Variants in CNOT10 observed in about 807,000 individuals in gnomAD.
CNOT10 encodes the protein CCR4-NOT transcription complex, subunit 10.
In CNOT10, 30 loss-of-function variants were observed where a neutral mutation model predicts 94.6. That is an observed-to-expected ratio of 0.32 (90% CI 0.24 to 0.43). The LOEUF is 0.43. Among genes scored for constraint, CNOT10 ranks in the 20% least tolerant of loss-of-function variants. CNOT10 has a pLI of 1.00. For missense variants in CNOT10, 759 were observed against 877.2 expected (o/e 0.87, Z 1.70); for synonymous variants, 289 against 301.6 (o/e 0.96, Z 0.43).
chr3:32,703,641 C>T (rs1271389516), intron 1 of CNOT10: 27 of 370,940 alleles, frequency 7.3e-5, no homozygotes, highest in Non-Finnish European at 1.2e-4. Flanking sequence ...GAATGATTGA[C>T]TTCCTGGATG....
chr3:32,754,191 T>G (rs1700094081), intron 13 of CNOT10, among the ~76,000 whole-genome samples: 1 of 152,018 alleles, frequency 6.6e-6, no homozygotes, highest in African/African-American at 2.4e-5. Context: ...GAAATTTTAT[T>G]TATTGGCCAG....
At chr3:32,699,301 T>G (rs2125504816) in intron 1 of CNOT10, among the ~76,000 whole-genome samples, 1 of 152,362 alleles carries the variant, frequency 6.6e-6, no homozygotes, top group Non-Finnish European at 1.5e-5. Context: ...AACAACATGT[T>G]GTAAATATTT....
At chr3:32,770,743 G>T (rs1700868473) in intron 18 of CNOT10, among the ~76,000 whole-genome samples, 1 of 149,608 alleles carries the variant, frequency 6.7e-6, no homozygotes, top group Non-Finnish European at 1.5e-5. Context: ...GTCTCGCTCT[G>T]TCACCCAGGC....
intron 17 of CNOT10, among the ~76,000 whole-genome samples, chr3:32,767,292 G>A (rs958366791): frequency 1.3e-5 from 2 of 152,108 alleles, no homozygotes; most frequent in Non-Finnish European, 2.9e-5. Flanking sequence ...GCCGAGGCAG[G>A]CAGATCACCT....
intron 1 of CNOT10, among the ~76,000 whole-genome samples, chr3:32,686,921 G>T (rs1696626754): frequency 6.6e-6 from 1 of 152,128 alleles, no homozygotes. Flanking sequence ...CACACTCCCT[G>T]CCTTTGAAGA....
rs1303335328 is a variant in CNOT10 at position 32,765,864 on chromosome 3, C to T, written c.2004+1055C>T. On this transcript the variant is annotated intron_variant, in intron 17 of 18. Transcript: ENST00000328834. ...AAGGTGTGAAACAGTTTCTGTATAACCCTGTATACATGCATAAAAGATCTC... is the reference window on the plus strand; with the variant it reads ...AAGGTGTGAAACAGTTTCTGTATAATCCTGTATACATGCATAAAAGATCTC... Among the ~76,000 whole-genome samples, 4 of 52,482 alleles carry T rather than the reference C, an allele frequency of 7.6e-5. 1 individual carries two copies. Among genetic ancestry groups the T allele is most frequent in the African/African-American group, 2.4e-4 (4 of 16,772 alleles). The allele number at this position is 52,482 out of a possible 152,430, so 34.4% of individuals were successfully genotyped here.
intron 13 of CNOT10, among the ~76,000 whole-genome samples, chr3:32,754,347 G>T (rs1700103707): frequency 6.9e-6 from 1 of 145,708 alleles, no homozygotes; most frequent in African/African-American, 2.5e-5. Flanking sequence ...CATGGTGGCG[G>T]GCACCTGTAG....
At chr3:32,770,470 C>T (rs1368311501) in intron 18 of CNOT10, among the ~76,000 whole-genome samples, 1 of 150,748 alleles carries the variant, frequency 6.6e-6, no homozygotes, top group Non-Finnish European at 1.5e-5. Flanking sequence ...GGACTACAGG[C>T]GCCCGCCACC....
At chr3:32,721,281 C>T (rs1055151929) in intron 8 of CNOT10, among the ~76,000 whole-genome samples, 3 of 151,270 alleles carry the variant, frequency 2.0e-5, no homozygotes, top group Non-Finnish European at 4.4e-5. Context: ...TAGGCTGTAT[C>T]GAACTCCTGA....
intron 15 of CNOT10, 83 bp downstream of exon 15, chr3:32,762,946 C>A: frequency 1.4e-6 from 2 of 1,401,346 alleles, no homozygotes; most frequent in Non-Finnish European, 1.9e-6. Context: ...GAAATTTAGG[C>A]ATGGTGGTAA....
chr3:32,699,047 A>G (rs1398640658), intron 1 of CNOT10, among the ~76,000 whole-genome samples: 2 of 152,166 alleles, frequency 1.3e-5, no homozygotes, highest in Non-Finnish European at 1.5e-5. Context: ...TGGCCTCCCA[A>G]AATGCTGGAA....
intron 1 of CNOT10, chr3:32,693,385 T>G (rs1696926552): frequency 6.6e-6 from 1 of 150,562 alleles, no homozygotes; most frequent in Non-Finnish European, 1.5e-5. Flanking sequence ...CCTGGCCAGT[T>G]TTTCTGTTTT....
In CNOT10 at chr3:32,737,486, T is replaced by C. The variant is rs1299658905; in HGVS notation, c.1591T>C (p.Leu531=). ...ATTGAGAAAACAGGAATTAGAAAAC[T>C]TAAAGTGAGTATCTAAACAAAATTA... ...SPLRKQELEN[L]KCSILACSAY... The change falls in exon 13 of 19, where the codon TTA becomes CTA. Residue 531 remains leucine, a synonymous_variant. Coordinates refer to ENST00000328834, the MANE Select transcript of CNOT10 (RefSeq NM_015442.3). 1 of 1,591,540 alleles carries C rather than the reference T, an allele frequency of 6.3e-7. No individual in the cohort carries two copies. Among genetic ancestry groups the C allele is most frequent in the Admixed American group, 1.7e-5 (1 of 59,480 alleles).
chr3:32,761,894 TCC>T (rs2125635494), intron 14 of CNOT10, among the ~76,000 whole-genome samples: 1 of 151,768 alleles, frequency 6.6e-6, no homozygotes, highest in African/African-American at 2.4e-5. Flanking sequence ...TGCCTCAGCC[TCC>T]CAAGTAGCTG....
chr3:32,700,443 C>T (rs986315973), intron 1 of CNOT10, among the ~76,000 whole-genome samples: 1 of 152,164 alleles, frequency 6.6e-6, no homozygotes, highest in Non-Finnish European at 1.5e-5. Flanking sequence ...AAGTTTTAGT[C>T]TTATTTCAAT....
chr3:32,687,465 T>TTTTTTTTTTTGTTTTTTTTTTTG (rs1361507074), intron 1 of CNOT10, among the ~76,000 whole-genome samples: 1 of 123,644 alleles, frequency 8.1e-6, no homozygotes, highest in Non-Finnish European at 1.7e-5. Flanking sequence ...TTTTTTTTTT[T>TTTTTTTTTTTGTTTTTTTTTTTG]TTTTGAGACG....
At position 32,719,310 on chromosome 3, in the gene CNOT10, C is replaced by T. The variant is rs145762344; in HGVS notation, c.745-804C>T. 1.9e-3 allele frequency among the ~76,000 whole-genome samples: 282 copies of T among 152,268 alleles called. 1 individual carries two copies. The highest frequency in any genetic ancestry group is 6.6e-3 in the African/African-American group (273 of 41,544). ...TGGCGCATGCCTGTAATCCCAGCTA[C>T]TCAGGAGGCTGAGGCAGGAGAATTG... On this transcript the variant is annotated intron_variant, in intron 7 of 18. Coordinates refer to ENST00000328834, the MANE Select transcript of CNOT10 (RefSeq NM_015442.3).
chr3:32,691,240 C>T (rs1319263149), intron 1 of CNOT10, among the ~76,000 whole-genome samples: 5 of 149,158 alleles, frequency 3.4e-5, no homozygotes, highest in Non-Finnish European at 7.4e-5. Flanking sequence ...CGGCTCAGTG[C>T]AACCTCTGTC....
At chr3:32,717,281 T>A (rs1437737530) in intron 7 of CNOT10, 44 bp downstream of exon 7, 2 of 1,130,632 alleles carry the variant, frequency 1.8e-6, no homozygotes, top group Non-Finnish European at 1.3e-6. Flanking sequence ...GTGTCTTTCT[T>A]ATTTAGACTA....
Sources: gnomAD v4.1 joint callset for allele counts (sites outside exome capture counted in the v4.1 genomes callset) on GRCh38, gnomAD v4.1.1 for gene constraint, MANE v1.5 for transcripts, NCBI Gene and HGNC (gene_info 2026-07-23, HGNC 2026-07-21) for gene names.